The following INPP4B variants were observed in gnomAD, a reference collection of about 807,000 sequenced individuals.
The protein encoded by INPP4B is inositol polyphosphate 4-phosphatase type II.
A neutral mutation model predicts 122.5 loss-of-function variants in INPP4B; 55 were observed. That is an observed-to-expected ratio of 0.45 (90% CI 0.36 to 0.56). INPP4B has a LOEUF of 0.56. Among genes scored for constraint, INPP4B ranks in the 20% least tolerant of loss-of-function variants. The probability of loss-of-function intolerance (pLI) is 0.00; values close to 1 mark genes in which losing one functional copy is unlikely to be tolerated. For synonymous variants in INPP4B, 403 were observed against 388.7 expected (o/e 1.04, Z -0.43); for missense variants, 1,000 against 1,097.7 (o/e 0.91, Z 1.26).
chr4:142,384,306 G>T (rs1405240833), intron 7 of INPP4B, among the ~76,000 whole-genome samples: 3 of 152,138 alleles, frequency 2.0e-5, no homozygotes, highest in Non-Finnish European at 2.9e-5. Flanking sequence ...CATAATGATG[G>T]GGATAGACTC....
chr4:142,699,665 T>A (rs1761468025), intron 2 of INPP4B, among the ~76,000 whole-genome samples: 3 of 152,192 alleles, frequency 2.0e-5, no homozygotes, highest in African/African-American at 4.8e-5. Flanking sequence ...CTATTAAACA[T>A]CTGACACCCC....
chr4:142,246,174 T>C (rs1416173858), intron 11 of INPP4B, among the ~76,000 whole-genome samples: 2 of 151,582 alleles, frequency 1.3e-5, no homozygotes, highest in Non-Finnish European at 2.9e-5. Context: ...ACCAGTACCA[T>C]GCTGTTTTGA....
At chr4:142,303,064 G>C (rs1354627113) in intron 9 of INPP4B, among the ~76,000 whole-genome samples, 1 of 151,986 alleles carries the variant, frequency 6.6e-6, no homozygotes, top group Non-Finnish European at 1.5e-5. Flanking sequence ...ATTTCATTAA[G>C]TTTGAGTCTA....
intron 12 of INPP4B, among the ~76,000 whole-genome samples, chr4:142,232,870 A>G (rs1191691520): frequency 6.6e-6 from 1 of 152,190 alleles, no homozygotes; most frequent in East Asian, 1.9e-4. Flanking sequence ...TTCTGGATAG[A>G]AGATCAAACC....
At chr4:142,165,694 C>T (rs1822371908) in intron 16 of INPP4B, among the ~76,000 whole-genome samples, 1 of 151,724 alleles carries the variant, frequency 6.6e-6, no homozygotes, top group African/African-American at 2.4e-5. Context: ...CCTCATTCAA[C>T]AGCCTTCTCA....
chr4:142,558,563 G>T lies in INPP4B; in HGVS notation c.-190-95837C>A, dbSNP rs560234589. ...AATCCATAGGTATTATTCAGGCTAT[G>T]GTGTGCCACTGTTAACAAATTCATC... On this transcript the variant is annotated intron_variant, in intron 2 of 25. Coordinates refer to ENST00000262992, the MANE Select transcript of INPP4B (RefSeq NM_001101669.3). Among the ~76,000 whole-genome samples, 7 of 151,982 alleles carry T rather than the reference G, an allele frequency of 4.6e-5. No individual in the cohort carries two copies. The South Asian group carries it at 1.5e-3, about 32-fold the overall frequency.
At chr4:142,672,800 T>A (rs971969521) in intron 2 of INPP4B, among the ~76,000 whole-genome samples, 2 of 152,072 alleles carry the variant, frequency 1.3e-5, no homozygotes, top group African/African-American at 4.8e-5. Context: ...GCTAAGGAAA[T>A]CTTTACGTAA....
intron 1 of INPP4B, among the ~76,000 whole-genome samples, chr4:142,788,715 G>T (rs1221251938): frequency 6.6e-6 from 1 of 152,072 alleles, no homozygotes; most frequent in Non-Finnish European, 1.5e-5. Flanking sequence ...GAGAACATAT[G>T]ATGTTTGGTT....
At chr4:142,440,676 C>A (rs949623929) in intron 3 of INPP4B, among the ~76,000 whole-genome samples, 2 of 152,100 alleles carry the variant, frequency 1.3e-5, no homozygotes, top group Non-Finnish European at 2.9e-5. Flanking sequence ...TCTCATGGAG[C>A]TTTAAAAATA....
chr4:142,531,666 T>C (rs192333711), intron 2 of INPP4B, among the ~76,000 whole-genome samples: 4 of 152,242 alleles, frequency 2.6e-5, no homozygotes, highest in Admixed American at 1.3e-4. Context: ...ATAAAATTTC[T>C]TTTGAGTAGA....
chr4:142,134,901 T>C (rs1321788842), intron 18 of INPP4B, among the ~76,000 whole-genome samples: 4 of 151,696 alleles, frequency 2.6e-5, no homozygotes, highest in Non-Finnish European at 4.4e-5. Flanking sequence ...TCAATATTCA[T>C]ATGTAGGAAT....
intron 2 of INPP4B, among the ~76,000 whole-genome samples, chr4:142,527,698 A>T (rs1215889783): frequency 6.6e-6 from 1 of 152,044 alleles, no homozygotes; most frequent in Non-Finnish European, 1.5e-5. Context: ...CATCTGATGT[A>T]ATAATTGAGA....
intron 2 of INPP4B, among the ~76,000 whole-genome samples, chr4:142,532,268 G>C (rs987419604): frequency 6.6e-6 from 1 of 152,114 alleles, no homozygotes; most frequent in African/African-American, 2.4e-5. Context: ...AGCACCCCCT[G>C]CTCTCATTAT....
intron 2 of INPP4B, among the ~76,000 whole-genome samples, chr4:142,665,981 G>T (rs1185543916): frequency 6.6e-6 from 1 of 152,056 alleles, no homozygotes; most frequent in African/African-American, 2.4e-5. Flanking sequence ...ACAAATAATA[G>T]AATAGTTCCA....
chr4:142,123,507 T>G, intron 19 of INPP4B, 92 bp from the exon 20 acceptor site: 14 of 1,290,260 alleles, frequency 1.1e-5, no homozygotes, highest in Non-Finnish European at 1.5e-5. Context: ...CATCACAGAT[T>G]CGATTATCAG....
Position 142,749,233 on chromosome 4 carries a change from TAATA to T in INPP4B, c.-253-23336_-253-23333del, listed in dbSNP as rs1303927025. ...TATGTCTCAGCATATATATAATATA[TAATA>T]TATATAATGTCTTACCATATATAAT... On this transcript the variant is annotated intron_variant, in intron 1 of 25. Coordinates refer to ENST00000262992, the MANE Select transcript of INPP4B (RefSeq NM_001101669.3). 6.8e-5 allele frequency among the ~76,000 whole-genome samples: 10 copies of T among 147,178 alleles called. 1 individual carries two copies. In the East Asian group the frequency reaches 2.0e-3, roughly 29 times the overall value.
chr4:142,766,292 T>C (rs1408570099), intron 1 of INPP4B, among the ~76,000 whole-genome samples: 1 of 152,160 alleles, frequency 6.6e-6, no homozygotes, highest in Non-Finnish European at 1.5e-5. Flanking sequence ...GTTTGTTTCT[T>C]CTCACTAATG....
At chr4:142,519,039 C>T (rs1415406455) in intron 2 of INPP4B, 1 of 152,150 alleles carries the variant, frequency 6.6e-6, no homozygotes, top group Non-Finnish European at 1.5e-5. Flanking sequence ...ATTCTTCATT[C>T]TAAGTTTTTA....
chr4:142,046,943 G>T (rs1476066935), intron 25 of INPP4B, among the ~76,000 whole-genome samples: 1 of 152,100 alleles, frequency 6.6e-6, no homozygotes, highest in African/African-American at 2.4e-5. Context: ...CTTATAGACA[G>T]AGGCAGCAAT....
Sources: allele counts gnomAD v4.1 joint callset (sites outside exome capture counted in the v4.1 genomes callset), GRCh38; gene constraint gnomAD v4.1.1; transcripts MANE v1.5; gene names NCBI Gene and HGNC (gene_info 2026-07-23, HGNC 2026-07-21).